The following GSE1 variants were observed in gnomAD, a reference collection of about 807,000 sequenced individuals.
The protein encoded by GSE1 is genetic suppressor element 1.
In GSE1, 32 loss-of-function variants were observed where a neutral mutation model predicts 112.6. The ratio of observed to expected loss-of-function variants is 0.28; its 90% CI spans 0.21 to 0.38. GSE1 has a LOEUF of 0.38. GSE1 is among the 10% of genes least tolerant of loss of function. The pLI, the probability that GSE1 is intolerant of heterozygous loss-of-function variation, is 1.00. For synonymous variants in GSE1, 1,115 were observed against 735.6 expected, an observed-to-expected ratio of 1.52 and a Z score of -8.35; for missense variants, 2,348 against 1,699.2, an observed-to-expected ratio of 1.38 and a Z score of -6.71.
exon 1 of GSE1, chr16:85,171,769 C>G: frequency 1.0e-6 from 1 of 985,576 alleles, no homozygotes; most frequent in Non-Finnish European, 1.2e-6. Context: ...CCGCCAAGGA[C>G]CCATGAGCTG....
intron 1 of GSE1, among the ~76,000 whole-genome samples, chr16:85,293,438 C>T (rs1369711030): frequency 3.3e-5 from 5 of 152,130 alleles, no homozygotes; most frequent in East Asian, 3.9e-4. Flanking sequence ...CCCAGCAACT[C>T]GGGAGGCTGA....
intron 2 of GSE1, among the ~76,000 whole-genome samples, chr16:85,499,372 G>A (rs1182241102): frequency 2.3e-5 from 3 of 130,050 alleles, no homozygotes; most frequent in Non-Finnish European, 4.6e-5. Flanking sequence ...GTGCAGTGGC[G>A]TGATCTCGGC....
Position 85,661,167 on chromosome 16 carries a change from G to C in GSE1, c.1662G>C (p.Glu554Asp). ...STTRPGPNRH[E>D]PGGRDPPQHF... ...CTAGGCCAGGACCAAACCGTCACGA[G>C]CCAGGTGGCCGTGACCCTCCGCAGC... The change falls in exon 9 of 16, where the codon GAG becomes GAC. Residue 554 changes from glutamate (E) to aspartate (D), a missense_variant. Transcript: ENST00000253458. The C allele has an allele frequency of 6.3e-7, 1 of 1,592,156 alleles. No individual in the cohort carries two copies. Among genetic ancestry groups the C allele is most frequent in the South Asian group, 1.1e-5 (1 of 90,214 alleles).
chr16:85,379,363 G>C (rs969129009), intron 2 of GSE1, among the ~76,000 whole-genome samples: 2 of 152,164 alleles, frequency 1.3e-5, no homozygotes, highest in African/African-American at 4.8e-5. Flanking sequence ...ATGGTGCCTG[G>C]CCCCGTGAGG....
chr16:85,239,816 C>A (rs907581390), intron 1 of GSE1, among the ~76,000 whole-genome samples: 2 of 152,262 alleles, frequency 1.3e-5, no homozygotes, highest in African/African-American at 4.8e-5. Context: ...CACCCCAGTT[C>A]TGGATCCTGA....
intron 3 of GSE1, among the ~76,000 whole-genome samples, chr16:85,651,085 C>G (rs1332530822): frequency 7.1e-6 from 1 of 140,496 alleles, no homozygotes; most frequent in Non-Finnish European, 1.6e-5. Flanking sequence ...CCTCCCCCTC[C>G]CCCTCCGCCT....
intron 2 of GSE1, among the ~76,000 whole-genome samples, chr16:85,401,345 C>A (rs763704184): frequency 9.3e-6 from 1 of 107,594 alleles, no homozygotes; most frequent in Admixed American, 1.5e-4. Flanking sequence ...AGGGAGTACC[C>A]GGGCCATCAG....
chr16:85,170,411 C>T (rs971660032), exon 1 of GSE1: 22 of 985,402 alleles, frequency 2.2e-5, no homozygotes, highest in Non-Finnish European at 2.5e-5. Context: ...AAAGGGCCTC[C>T]CTCTGGCAGA....
intron 7 of GSE1, among the ~76,000 whole-genome samples, chr16:85,656,920 C>G (rs186540992): frequency 3.1e-3 from 470 of 152,334 alleles, no homozygotes; most frequent in African/African-American, 0.01. Flanking sequence ...GTTTTGAGTG[C>G]TTCGTTGATT....
intron 2 of GSE1, among the ~76,000 whole-genome samples, chr16:85,527,447 A>G (rs10863206): frequency 0.53 from 81,267 of 152,214 alleles, 22,023 homozygotes; most frequent in South Asian, 0.65. Flanking sequence ...GGGGTTGAGG[A>G]CAAAGGCCAC....
chr16:85,323,504 C>G (rs1416428232), intron 1 of GSE1, among the ~76,000 whole-genome samples: 1 of 152,134 alleles, frequency 6.6e-6, no homozygotes, highest in Non-Finnish European at 1.5e-5. Flanking sequence ...AAGTCGCCGG[C>G]CTGGAGGAGG....
chr16:85,336,251 T>G (rs1470048197), intron 1 of GSE1, among the ~76,000 whole-genome samples: 1 of 152,216 alleles, frequency 6.6e-6, no homozygotes, highest in Admixed American at 6.5e-5. Flanking sequence ...GTTTGGGGAT[T>G]GGCTGATGGA....
At chr16:85,235,427 A>ATT (rs574126768) in intron 1 of GSE1, among the ~76,000 whole-genome samples, 47 of 65,004 alleles carry the variant, frequency 7.2e-4, no homozygotes, top group Non-Finnish European at 1.3e-3. Context: ...ATGGAAGGGT[A>ATT]CTGTGTGTGT....
chr16:85,531,514 T>A (rs907118564), intron 2 of GSE1, among the ~76,000 whole-genome samples: 1 of 152,148 alleles, frequency 6.6e-6, no homozygotes, highest in Non-Finnish European at 1.5e-5. Context: ...AGGCAGGCAT[T>A]CTTGGCCCAG....
In GSE1 at chr16:85,602,433, T is replaced by C. The variant is rs368069215; in HGVS notation, c.37+46070T>C. Among the ~76,000 whole-genome samples the C allele has an allele frequency of 6.6e-5, 10 of 152,284 alleles. No individual in the cohort carries two copies. In the East Asian group the frequency reaches 1.9e-3, roughly 29 times the overall value. On this transcript the variant is annotated intron_variant, in intron 1 of 2. Coordinates refer to the GSE1 transcript ENST00000635906. ...CCCTGGGAGGCTTCTTGGGGGCTAA[T>C]GGAGACCCTTGGGCCCTGGCCGCCC...
Position 85,656,675 on chromosome 16 carries a change from C to T in GSE1, c.1312+10C>T, listed in dbSNP as rs777856923. On this transcript the variant is annotated intron_variant, in intron 7 of 15. Coordinates refer to ENST00000253458, the MANE Select transcript of GSE1 (RefSeq NM_014615.5). The stretch of plus-strand genomic sequence containing the variant: ...ACCCCAACCCGAGCAGGTACCTGGG[C>T]GTGGGTGGGCTGTGCTGGGCAAGGT... 46 of 1,496,104 alleles carry T rather than the reference C, an allele frequency of 3.1e-5. No individual in the cohort carries two copies. Among genetic ancestry groups the T allele is most frequent in the East Asian group, 7.4e-5 (3 of 40,382 alleles). 92.7% of individuals were successfully genotyped at this position (1,496,104 alleles called of 1,614,324 possible). A position where few individuals can be genotyped will look rare whatever the true frequency, so the allele number is the denominator to read the frequency against.
intron 1 of GSE1, among the ~76,000 whole-genome samples, chr16:85,236,160 C>T (rs946132049): frequency 4.6e-5 from 7 of 152,254 alleles, no homozygotes; most frequent in Admixed American, 3.9e-4. Context: ...CGGCCGGGCT[C>T]GGGTTTCTCC....
intron 1 of GSE1, among the ~76,000 whole-genome samples, chr16:85,284,494 C>T (rs1446299753): frequency 6.6e-6 from 1 of 152,220 alleles, no homozygotes; most frequent in Non-Finnish European, 1.5e-5. Context: ...ACTCCCCAGG[C>T]CCCCAGGACT....
rs1407990830 is a variant in GSE1, at chr16:85,442,843, C to T, written c.2464+85200C>T. Among the ~76,000 whole-genome samples, 5 of 152,208 alleles carry T rather than the reference C, an allele frequency of 3.3e-5. No individual in the cohort carries two copies. In the East Asian group the frequency reaches 9.6e-4, roughly 29 times the overall value. ...ACGGTTCCAGAGGCCGGAAGTCCGA[C>T]ATCAAGGTGTTGGTGGGGTTGATTT... On this transcript the variant is annotated intron_variant, in intron 2 of 2. Transcript: ENST00000637419.
Sources: allele counts gnomAD v4.1 joint callset (sites outside exome capture counted in the v4.1 genomes callset), GRCh38; gene constraint gnomAD v4.1.1; transcripts MANE v1.5; gene names NCBI Gene and HGNC (gene_info 2026-07-23, HGNC 2026-07-21).